Variants in MRPL3 observed in about 807,000 individuals in gnomAD.
MRPL3 encodes the protein large ribosomal subunit protein uL3m.
A neutral mutation model predicts 44.3 loss-of-function variants in MRPL3; 43 were observed. The observed-to-expected ratio is 0.97, with a 90% CI of 0.76 to 1.25. MRPL3 has a LOEUF of 1.25. MRPL3 is among the 50% of genes most tolerant of loss of function. The pLI is 0.00. For synonymous variants in MRPL3, 171 were observed against 152.3 expected (o/e 1.12, Z -0.91); for missense variants, 406 against 427.6 (o/e 0.95, Z 0.45).
chr3:131,490,849 C>T (rs553758170), intron 4 of MRPL3, among the ~76,000 whole-genome samples: 25 of 152,296 alleles, frequency 1.6e-4, no homozygotes, highest in Middle Eastern at 6.8e-3. Flanking sequence ...CTAGGCATTG[C>T]TAATTTTCAA....
intron 6 of MRPL3, among the ~76,000 whole-genome samples, chr3:131,475,561 CT>C (rs1933836318): frequency 6.6e-6 from 1 of 152,148 alleles, no homozygotes; most frequent in East Asian, 1.9e-4. Flanking sequence ...TCAAAAGTCA[CT>C]TTTATAAGAA....
At chr3:131,486,383 A>AC in intron 6 of MRPL3, among the ~76,000 whole-genome samples, 2 of 149,558 alleles carry the variant, frequency 1.3e-5, no homozygotes, top group Admixed American at 1.3e-4. Context: ...AAAAAAAAAA[A>AC]AAAAAAAACC....
chr3:131,500,600 T>C, intron 2 of MRPL3, 79 bp from the exon 3 acceptor site: 1 of 1,225,510 alleles, frequency 8.2e-7, no homozygotes, highest in Non-Finnish European at 1.2e-6. Flanking sequence ...TTTCCTAAAA[T>C]CAGGTTTCCG....
At chr3:131,502,626 A>G (rs1934522860) in intron 1 of MRPL3, 104 bp downstream of exon 1, 1 of 898,236 alleles carries the variant, frequency 1.1e-6, no homozygotes, top group African/African-American at 1.7e-5. Context: ...CCACGTCTCA[A>G]CAGAGCCCCT....
intron 6 of MRPL3, among the ~76,000 whole-genome samples, chr3:131,476,451 T>C (rs1933853994): frequency 6.6e-6 from 1 of 152,084 alleles, no homozygotes; most frequent in Non-Finnish European, 1.5e-5. Context: ...GTAAAAGGTT[T>C]CCACAGGTCA....
intron 6 of MRPL3, among the ~76,000 whole-genome samples, chr3:131,480,343 AT>A (rs1933956553): frequency 1.3e-5 from 2 of 152,180 alleles, no homozygotes; most frequent in Admixed American, 1.3e-4. Context: ...TCATGGTGGA[AT>A]TTTCCAGTTG....
At chr3:131,477,047 G>A (rs1433140874) in intron 6 of MRPL3, among the ~76,000 whole-genome samples, 1 of 152,190 alleles carries the variant, frequency 6.6e-6, no homozygotes, top group Non-Finnish European at 1.5e-5. Context: ...AATCTCTAGA[G>A]ATTCTTACTA....
intron 6 of MRPL3, among the ~76,000 whole-genome samples, chr3:131,479,396 T>C (rs980835524): frequency 1.3e-5 from 2 of 152,088 alleles, no homozygotes; most frequent in Non-Finnish European, 2.9e-5. Context: ...ATTTAATAAA[T>C]AGAAGTGGGG....
intron 9 of MRPL3, among the ~76,000 whole-genome samples, chr3:131,466,329 A>G (rs1001928802): frequency 3.3e-5 from 5 of 152,158 alleles, no homozygotes; most frequent in African/African-American, 7.2e-5. Flanking sequence ...AACAGCTGAC[A>G]TAACTTCTAA....
At chr3:131,497,488 T>G (rs1245272478) in intron 4 of MRPL3, among the ~76,000 whole-genome samples, 4 of 152,192 alleles carry the variant, frequency 2.6e-5, no homozygotes, top group Non-Finnish European at 5.9e-5. Flanking sequence ...GAAAAAAAAG[T>G]TTGTCTTAGA....
At chr3:131,490,617 G>C (rs1260555701) in intron 4 of MRPL3, among the ~76,000 whole-genome samples, 1 of 152,144 alleles carries the variant, frequency 6.6e-6, no homozygotes, top group Non-Finnish European at 1.5e-5. Context: ...AAAATCTTCA[G>C]CACTGTTTCC....
chr3:131,462,761 C>A lies in MRPL3; in HGVS notation c.1009G>T (p.Val337Leu). 1 of 1,612,576 alleles carries A rather than the reference C, an allele frequency of 6.2e-7. No homozygotes were observed. ...ELPEDLYDEN[V>L]CQPGAPSITF... ...ATAGAAGGCGCACCGGGCTGACACA[C>A]GTTTTCATCATACAAATCTTCTGGC... Residue 337 changes from valine (V) to leucine (L), a missense_variant, in exon 10 of 10, where the codon GTG becomes TTG. By Grantham distance (32) the Val-to-Leu change is conservative (BLOSUM62 1). Transcript: ENST00000264995.
chr3:131,499,018 A>G (rs1329879823), intron 3 of MRPL3, among the ~76,000 whole-genome samples: 1 of 152,224 alleles, frequency 6.6e-6, no homozygotes, highest in Admixed American at 6.5e-5. Context: ...GAGGTTCACT[A>G]AAGTTTGAGA....
intron 4 of MRPL3, among the ~76,000 whole-genome samples, chr3:131,497,395 T>C (rs1934394015): frequency 6.6e-6 from 1 of 152,250 alleles, no homozygotes; most frequent in Admixed American, 6.5e-5. Flanking sequence ...GTTAGTAGGA[T>C]AAACACCTGA....
chr3:131,502,926 G>C lies in MRPL3; in HGVS notation c.-105C>G, dbSNP rs2107607006. 4.5e-6 allele frequency: 5 copies of C among 1,103,930 alleles called. No homozygotes were observed. The highest frequency in any genetic ancestry group is 3.1e-5 in the African/African-American group (2 of 64,526). 68.4% of individuals were successfully genotyped at this position (1,103,930 alleles called of 1,614,324 possible). ...ACGTGGACGCAGTAGCCGTGGGGAA[G>C]TTTTCGCAATGGCCGCCGGAACGGT... is the stretch of plus-strand genomic sequence containing the variant. On this transcript the variant is annotated 5_prime_UTR_variant, in exon 1 of 10. Coordinates refer to ENST00000264995, the MANE Select transcript of MRPL3 (RefSeq NM_007208.4).
chr3:131,488,882 T>A (rs975550485), intron 5 of MRPL3: 1 of 152,092 alleles, frequency 6.6e-6, no homozygotes, highest in African/African-American at 2.4e-5. Context: ...CCCATAAATG[T>A]ATATAATTTT....
At chr3:131,495,821 A>C (rs1306009764) in intron 4 of MRPL3, among the ~76,000 whole-genome samples, 2 of 152,200 alleles carry the variant, frequency 1.3e-5, no homozygotes, top group African/African-American at 2.4e-5. Flanking sequence ...TTTCTTGAGA[A>C]TTAAAATATT....
intron 6 of MRPL3, among the ~76,000 whole-genome samples, chr3:131,474,411 TGAG>T (rs1455163208): frequency 2.0e-5 from 3 of 152,034 alleles, no homozygotes; most frequent in African/African-American, 7.2e-5. Context: ...GGGATGGGAA[TGAG>T]GAGGATGGGG....
chr3:131,494,449 T>C (rs1310820436), intron 4 of MRPL3, among the ~76,000 whole-genome samples: 4 of 152,246 alleles, frequency 2.6e-5, no homozygotes, highest in Non-Finnish European at 2.9e-5. Context: ...AATTTTAGAA[T>C]GGACTTCAAG....
Sources: gnomAD v4.1 joint callset for allele counts (sites outside exome capture counted in the v4.1 genomes callset) on GRCh38, gnomAD v4.1.1 for gene constraint, MANE v1.5 for transcripts, NCBI Gene and HGNC (gene_info 2026-07-23, HGNC 2026-07-21) for gene names.